ATP10A: variants seen among roughly 807,000 people sequenced by gnomAD.
ATP10A encodes phospholipid-transporting ATPase VA.
Under a neutral mutation model 147.8 loss-of-function variants are expected in ATP10A, and 111 were observed. The ratio of observed to expected loss-of-function variants is 0.75; its 90% CI spans 0.64 to 0.88. The LOEUF (loss-of-function observed/expected upper bound fraction) is 0.88. Among genes scored for constraint, ATP10A ranks in the 40% least tolerant of loss-of-function variants. The pLI is 0.00. For missense variants in ATP10A, 1,927 were observed against 1,959.0 expected (o/e 0.98, Z 0.31); for synonymous variants, 875 against 841.6 (o/e 1.04, Z -0.69).
chr15:25,849,926 T>C (rs1451071141), intron 1 of ATP10A, among the ~76,000 whole-genome samples: 3 of 152,216 alleles, frequency 2.0e-5, no homozygotes, highest in Non-Finnish European at 4.4e-5. Flanking sequence ...CACATCTGAT[T>C]TGACTAAAGT....
chr15:25,702,152 A>C, intron 12 of ATP10A, 52 bp from the exon 13 acceptor site: 2 of 1,530,598 alleles, frequency 1.3e-6, no homozygotes, highest in Non-Finnish European at 1.8e-6. Flanking sequence ...GTGCCCCCCA[A>C]TCCTTCTGGG....
intron 16 of ATP10A, 94 bp from the exon 17 acceptor site, chr15:25,683,580 C>T: frequency 8.1e-7 from 1 of 1,230,132 alleles, no homozygotes; most frequent in Non-Finnish European, 1.1e-6. Context: ...CAGAGTTTCA[C>T]AGTCAAGATT....
At chr15:25,822,200 T>A (rs1891921124) in intron 1 of ATP10A, among the ~76,000 whole-genome samples, 1 of 152,142 alleles carries the variant, frequency 6.6e-6, no homozygotes, top group East Asian at 1.9e-4. Flanking sequence ...CCCAGTGATT[T>A]TTGTCTTTAA....
At chr15:25,742,841 C>G (rs1416624428) in intron 2 of ATP10A, among the ~76,000 whole-genome samples, 2 of 152,182 alleles carry the variant, frequency 1.3e-5, no homozygotes, top group African/African-American at 4.8e-5. Flanking sequence ...AACAGGGTGT[C>G]CCTGCATGAA....
At chr15:25,852,962 G>C (rs1235298063) in intron 1 of ATP10A, among the ~76,000 whole-genome samples, 1 of 152,334 alleles carries the variant, frequency 6.6e-6, no homozygotes, top group East Asian at 1.9e-4. Context: ...TTGATTTCCA[G>C]CAAACTTTCA....
intron 1 of ATP10A, among the ~76,000 whole-genome samples, chr15:25,781,686 C>T (rs1440330216): frequency 3.9e-5 from 6 of 151,956 alleles, no homozygotes; most frequent in Non-Finnish European, 8.8e-5. Flanking sequence ...AAAGAATATT[C>T]ATACCACTGA....
intron 5 of ATP10A, 93 bp from the exon 6 acceptor site, chr15:25,724,114 C>A: frequency 1.6e-6 from 2 of 1,288,058 alleles, no homozygotes. Flanking sequence ...ATATTTGTTA[C>A]CTGATGCAAG....
intron 1 of ATP10A, among the ~76,000 whole-genome samples, chr15:25,785,187 A>G (rs1000200027): frequency 2.0e-5 from 3 of 152,078 alleles, no homozygotes; most frequent in African/African-American, 7.2e-5. Flanking sequence ...GCCTTTCCTA[A>G]TGTCCCCTGA....
intron 3 of ATP10A, among the ~76,000 whole-genome samples, chr15:25,734,547 C>T (rs1887153342): frequency 6.6e-6 from 1 of 152,158 alleles, no homozygotes; most frequent in Non-Finnish European, 1.5e-5. Flanking sequence ...TGCACACAAA[C>T]TCTTGGGGCA....
chr15:25,785,192 C>A (rs961083865), intron 1 of ATP10A, among the ~76,000 whole-genome samples: 5 of 152,042 alleles, frequency 3.3e-5, no homozygotes, highest in African/African-American at 1.2e-4. Context: ...TCCTAATGTC[C>A]CCTGAACTGT....
At chr15:25,834,581 G>T (rs1439110013) in intron 1 of ATP10A, among the ~76,000 whole-genome samples, 1 of 152,158 alleles carries the variant, frequency 6.6e-6, no homozygotes, top group African/African-American at 2.4e-5. Flanking sequence ...TAAACCTCAG[G>T]GGTATCGTGT....
intron 12 of ATP10A, among the ~76,000 whole-genome samples, chr15:25,706,714 T>C (rs1375875002): frequency 1.3e-5 from 2 of 152,224 alleles, no homozygotes; most frequent in Non-Finnish European, 2.9e-5. Flanking sequence ...CAGCAAGCAC[T>C]GTGAAATGGC....
At chr15:25,710,675 C>T (rs1351163379) in intron 10 of ATP10A, 1 of 152,186 alleles carries the variant, frequency 6.6e-6, no homozygotes, top group East Asian at 1.9e-4. Context: ...AACGTGCAGT[C>T]CCTGCTTGTA....
intron 1 of ATP10A, among the ~76,000 whole-genome samples, chr15:25,846,529 G>C (rs1275486458): frequency 1.3e-5 from 2 of 152,096 alleles, no homozygotes; most frequent in East Asian, 3.9e-4. Context: ...CATGCTCAGC[G>C]CAGAAGGGCC....
chr15:25,862,049 T>C (rs1452686700), intron 1 of ATP10A: 6 of 333,152 alleles, frequency 1.8e-5, no homozygotes, highest in Non-Finnish European at 3.6e-5. Context: ...TGAAGAAAAT[T>C]AGGCAGGCAG....
intron 9 of ATP10A, 41 bp downstream of exon 9, chr15:25,716,689 C>T (rs372711524): frequency 8.2e-5 from 122 of 1,491,400 alleles, no homozygotes; most frequent in Non-Finnish European, 1.1e-4. Flanking sequence ...GCCCGCAGCG[C>T]AGAAGGTCAA....
chr15:25,811,177 CA>C (rs1231135213), intron 1 of ATP10A, among the ~76,000 whole-genome samples: 2 of 152,182 alleles, frequency 1.3e-5, no homozygotes, highest in Non-Finnish European at 2.9e-5. Context: ...AGGGAGAAGT[CA>C]GTATCCAGGG....
At chr15:25,859,127 G>A (rs969186779) in intron 1 of ATP10A, among the ~76,000 whole-genome samples, 3 of 152,176 alleles carry the variant, frequency 2.0e-5, no homozygotes, top group Non-Finnish European at 2.9e-5. Flanking sequence ...CCTGCCTGCA[G>A]AACTGCCCGC....
chr15:25,716,854 G>A lies in ATP10A; in HGVS notation c.1652C>T (p.Ala551Val), dbSNP rs751938420. The change falls in exon 9 of 21, where the codon GCG becomes GTG. Residue 551 changes from alanine to valine, a missense_variant. Physicochemically the swap from Ala to Val is moderately conservative, Grantham distance 64. Coordinates refer to ENST00000555815, the MANE Select transcript of ATP10A (RefSeq NM_024490.4). Reference protein sequence around the residue: ...VSECDKSLAVARHQEHLLAHL... With the variant: ...VSECDKSLAVVRHQEHLLAHL... ...GGCCAGCAGGTGCTCCTGATGCCTC[G>A]CCACGGCTAGGCTCTTGTCACACTC... The A allele has an allele frequency of 1.3e-5, 21 of 1,610,280 alleles. No individual in the cohort carries two copies. The Admixed American group carries it at 1.8e-4, about 14-fold the overall frequency.
Sources: gnomAD v4.1 joint callset for allele counts (sites outside exome capture counted in the v4.1 genomes callset) on GRCh38, gnomAD v4.1.1 for gene constraint, MANE v1.5 for transcripts, NCBI Gene and HGNC (gene_info 2026-07-23, HGNC 2026-07-21) for gene names.